CDHR1: variants seen among roughly 807,000 people sequenced by gnomAD.
The protein encoded by CDHR1 is cadherin-related family member 1.
In CDHR1, 61 loss-of-function variants were observed where a neutral mutation model predicts 72.1. The ratio of observed to expected loss-of-function variants is 0.85; its 90% CI spans 0.69 to 1.05. The LOEUF (loss-of-function observed/expected upper bound fraction) is 1.05, where lower values mean the gene tolerates loss of function less well. CDHR1 is among the 50% of genes least tolerant of loss of function. The pLI, the probability that CDHR1 is intolerant of heterozygous loss-of-function variation, is 0.00. For missense variants in CDHR1, 1,186 were observed against 1,115.7 expected (o/e 1.06, Z -0.90); for synonymous variants, 470 against 448.1 (o/e 1.05, Z -0.62).
At position 84,210,992 on chromosome 10, in the gene CDHR1, C is replaced by T. The variant is rs1037918838; in HGVS notation, c.1321-9C>T. ...ACCCAGACAAGTCCCCATTTTCCCC[C>T]CTTCCCAGCTCCTGGCTGTTGAAGT... On this transcript the variant is annotated splice_polypyrimidine_tract_variant and intron_variant, in intron 12 of 16. Coordinates refer to ENST00000623527, the MANE Select transcript of CDHR1 (RefSeq NM_033100.4). 16 of 1,614,086 alleles carry T rather than the reference C, an allele frequency of 9.9e-6. No individual in the cohort carries two copies. The highest frequency in any genetic ancestry group is 8.9e-5 in the East Asian group (4 of 44,898).
chr10:84,218,826 T>G (rs1001444114), downstream of CDHR1: 8 of 961,314 alleles, frequency 8.3e-6, no homozygotes, highest in Non-Finnish European at 1.1e-5. Flanking sequence ...AGATGTGATA[T>G]TCCAAATGGC....
intron 5 of CDHR1, among the ~76,000 whole-genome samples, chr10:84,199,856 C>T (rs1302576542): frequency 6.6e-6 from 1 of 152,208 alleles, no homozygotes; most frequent in Non-Finnish European, 1.5e-5. Flanking sequence ...CTTGACAATA[C>T]TGAATTCTCA....
rs193142630 is a variant in CDHR1, at chr10:84,211,144, C to T, written c.1464C>T (p.Gly488=). 22 of 1,614,238 alleles carry T rather than the reference C, an allele frequency of 1.4e-5. No individual in the cohort carries two copies. The East Asian group carries it at 3.8e-4, about 28-fold the overall frequency. ...VARIPENAPG[G]SSVVAVTAVD... is the part of the protein sequence containing the mutation. ...GGATTCCTGAGAACGCCCCAGGGGG[C>T]TCCAGCGTGGTGGCTGTCACAGTGG... Residue 488 remains glycine (G), a synonymous_variant, in exon 13 of 17, where the codon GGC becomes GGT. Coordinates refer to ENST00000623527, the MANE Select transcript of CDHR1 (RefSeq NM_033100.4).
chr10:84,213,644 G>A (rs1458570821), intron 16 of CDHR1, among the ~76,000 whole-genome samples: 3 of 152,190 alleles, frequency 2.0e-5, no homozygotes, highest in African/African-American at 7.2e-5. Flanking sequence ...GTCATTATGT[G>A]TAGCTCTCAG....
chr10:84,219,395 A>G, downstream of CDHR1: 1 of 1,428,534 alleles, frequency 7.0e-7, no homozygotes, highest in Non-Finnish European at 9.2e-7. Flanking sequence ...TCTCCCCTGC[A>G]CTGCTTGCTG....
At chr10:84,199,913 C>G (rs984967455) in intron 5 of CDHR1, among the ~76,000 whole-genome samples, 2 of 152,316 alleles carry the variant, frequency 1.3e-5, no homozygotes, top group South Asian at 4.1e-4. Context: ...TGGCTCACAC[C>G]TGTAATCCCA....
chr10:84,196,682 C>T (rs758475630), intron 3 of CDHR1, 32 bp downstream of exon 3: 1 of 1,613,648 alleles, frequency 6.2e-7, no homozygotes, highest in Non-Finnish European at 8.5e-7. Flanking sequence ...GCTGCGGGGC[C>T]ACTGCCTGTA....
chr10:84,217,707 C>G lies in CDHR1; in HGVS notation c.*3086C>G. The G allele has an allele frequency of 1.0e-6, 1 of 985,478 alleles. No individual in the cohort carries two copies. Among genetic ancestry groups the G allele is most frequent in the Non-Finnish European group, 1.2e-6 (1 of 830,010 alleles). The allele number at this position is 985,478 out of a possible 1,614,324, so 61.0% of individuals were successfully genotyped here. On this transcript the variant is annotated 3_prime_UTR_variant, in exon 17 of 17. Coordinates refer to ENST00000623527, the MANE Select transcript of CDHR1 (RefSeq NM_033100.4). ...GAGGACCCCCTCCATGCATCCTCACCCCCCAGGATGTTTCCACCCACCTGT... is the reference window on the plus strand; with the variant it reads ...GAGGACCCCCTCCATGCATCCTCACGCCCCAGGATGTTTCCACCCACCTGT...
intron 7 of CDHR1, among the ~76,000 whole-genome samples, chr10:84,202,577 A>G (rs1475512878): frequency 6.6e-6 from 1 of 152,124 alleles, no homozygotes; most frequent in Non-Finnish European, 1.5e-5. Flanking sequence ...CTGGTTGCAC[A>G]TCTCCATTAT....
At chr10:84,198,747 G>GT (rs1842071203) in intron 4 of CDHR1, among the ~76,000 whole-genome samples, 2 of 152,226 alleles carry the variant, frequency 1.3e-5, no homozygotes, top group South Asian at 4.1e-4. Flanking sequence ...ATCATAAAGT[G>GT]TTTTTTAATA....
intron 14 of CDHR1, 23 bp from the exon 15 acceptor site, chr10:84,212,156 T>C (rs555744210): frequency 1.1e-5 from 17 of 1,589,040 alleles, no homozygotes; most frequent in East Asian, 2.2e-5. Flanking sequence ...TGCACACCCA[T>C]GCCTATGTGC....
chr10:84,218,355 C>G lies in CDHR1; in HGVS notation c.*3734C>G. On this transcript the variant is annotated 3_prime_UTR_variant, in exon 17 of 17. Coordinates refer to ENST00000623527, the MANE Select transcript of CDHR1 (RefSeq NM_033100.4). ...GGACATCGGTTTGATGTTATAAAATCGTGCACATGTACCCCTTTTGAGGCC... is the reference window on the plus strand; with the variant it reads ...GGACATCGGTTTGATGTTATAAAATGGTGCACATGTACCCCTTTTGAGGCC... 3 of 985,396 alleles carry G rather than the reference C, an allele frequency of 3.0e-6. No individual in the cohort carries two copies. The highest frequency in any genetic ancestry group is 3.6e-6 in the Non-Finnish European group (3 of 829,926). 61.0% of individuals were successfully genotyped at this position (985,396 alleles called of 1,614,324 possible).
chr10:84,195,609 G>A lies in CDHR1; in HGVS notation c.151+20G>A. On this transcript the variant is annotated intron_variant, in intron 2 of 16. Transcript: ENST00000623527. ...CTGTAGGTGAGTAGCCCTGGCACCT[G>A]CTCCCGATAGGTCTCCCTGAGGGGT... is the stretch of plus-strand genomic sequence containing the variant. 2 of 1,594,196 alleles carry A rather than the reference G, an allele frequency of 1.3e-6. No individual in the cohort carries two copies. Among genetic ancestry groups the A allele is most frequent in the South Asian group, 1.1e-5 (1 of 90,446 alleles).
intron 5 of CDHR1, 104 bp from the exon 6 acceptor site, chr10:84,200,497 G>T: frequency 2.6e-6 from 2 of 773,174 alleles, no homozygotes; most frequent in South Asian, 2.9e-5. Context: ...ACCTCTTTTT[G>T]ACACTTCACT....
chr10:84,210,255 T>C (rs1842304856), intron 12 of CDHR1, among the ~76,000 whole-genome samples: 1 of 152,170 alleles, frequency 6.6e-6, no homozygotes, highest in African/African-American at 2.4e-5. Flanking sequence ...TTTTTTTTGT[T>C]TTTTGGTTTT....
At chr10:84,201,077 G>A (rs1482534440) in intron 6 of CDHR1, among the ~76,000 whole-genome samples, 1 of 152,182 alleles carries the variant, frequency 6.6e-6, no homozygotes, top group Non-Finnish European at 1.5e-5. Context: ...CACAGGCCCA[G>A]AAGTCCCCTG....
In CDHR1 at chr10:84,204,534, A is replaced by T. The variant is rs1309832117; in HGVS notation, c.791A>T (p.Glu264Val). Residue 264 changes from glutamate to valine, a missense_variant, in exon 9 of 17, where the codon GAG becomes GTG. Physicochemically the swap from Glu to Val is moderately radical, Grantham distance 121. Transcript: ENST00000623527. ...TGTTCCTGTTTCCCCGAGGGCTCGG[A>T]GGTACTGAAGGTGGTCGCCATGGAT... is the stretch of plus-strand genomic sequence containing the variant. ...YVYEDTLPGSEVLKVVAMDGD... is the reference protein window; with the variant it reads ...YVYEDTLPGSVVLKVVAMDGD... 1 of 1,611,856 alleles carries T rather than the reference A, an allele frequency of 6.2e-7. No individual in the cohort carries two copies.
chr10:84,195,346 G>T, intron 1 of CDHR1, 148 bp from the exon 2 acceptor site: 1 of 767,360 alleles, frequency 1.3e-6, no homozygotes, highest in Non-Finnish European at 2.3e-6. Context: ...GCCCCAGTGG[G>T]GTCCCTCGGT....
At position 84,218,490 on chromosome 10, in the gene CDHR1, G is replaced by T. The variant is rs920770358; in HGVS notation, c.*3869G>T. 3.0e-6 allele frequency: 3 copies of T among 985,270 alleles called. No individual in the cohort carries two copies. The African/African-American group carries it at 5.2e-5, about 17-fold the overall frequency. The allele number at this position is 985,270 out of a possible 1,614,324, so 61.0% of individuals were successfully genotyped here. On this transcript the variant is annotated 3_prime_UTR_variant, in exon 17 of 17. Transcript: ENST00000623527. ...CCAGGCTCTCTTCTAGGTGTTAGGTGTATGTCTCTAACAAGATAGAAGGAA... is the reference window on the plus strand; with the variant it reads ...CCAGGCTCTCTTCTAGGTGTTAGGTTTATGTCTCTAACAAGATAGAAGGAA...
Sources: allele counts gnomAD v4.1 joint callset (sites outside exome capture counted in the v4.1 genomes callset), GRCh38; gene constraint gnomAD v4.1.1; transcripts MANE v1.5; gene names NCBI Gene and HGNC (gene_info 2026-07-23, HGNC 2026-07-21).